The following EPS8 variants were observed in gnomAD, a reference collection of about 807,000 sequenced individuals.
The protein encoded by EPS8 is EGFR pathway substrate 8, signaling adaptor.
In EPS8, 42 loss-of-function variants were observed where a neutral mutation model predicts 103.8. That is an observed-to-expected ratio of 0.40 (90% CI 0.32 to 0.52). EPS8 has a LOEUF of 0.52. Ranked by LOEUF, EPS8 falls within the 20% of genes least tolerant of loss-of-function variation. The pLI is 0.40. For missense variants in EPS8, 969 were observed against 1,005.1 expected (o/e 0.96, Z 0.49); for synonymous variants, 344 against 344.6 (o/e 1.00, Z 0.02).
At chr12:15,692,179 C>CA (rs1946181868) in intron 1 of EPS8, among the ~76,000 whole-genome samples, 1 of 152,106 alleles carries the variant, frequency 6.6e-6, no homozygotes. Context: ...TGGTAGGGCA[C>CA]ATACTTCAGG....
At chr12:15,705,177 T>G (rs1365916144) in intron 1 of EPS8, among the ~76,000 whole-genome samples, 1 of 152,212 alleles carries the variant, frequency 6.6e-6, no homozygotes, top group Non-Finnish European at 1.5e-5. Context: ...TTTTGCAAAT[T>G]CCATTTCTCA....
chr12:15,714,473 C>T lies in EPS8; in HGVS notation c.-21-31501G>A, dbSNP rs541001040. ...CCTGGGCAACATACCAAGACCCCAT[C>T]TCCACAAAAAATTCAGCAATCAGCC... is the stretch of plus-strand genomic sequence containing the variant. On this transcript the variant is annotated intron_variant, in intron 1 of 20. Coordinates refer to ENST00000281172, the MANE Select transcript of EPS8 (RefSeq NM_004447.6). This position sits in a 1 kb window ranked among gnomAD's most constrained non-coding sequence, Gnocchi z 4.1. Among the ~76,000 whole-genome samples the T allele has an allele frequency of 6.1e-4, 93 of 152,206 alleles. No individual in the cohort carries two copies. The highest frequency in any genetic ancestry group is 1.2e-3 in the Non-Finnish European group (82 of 68,000).
chr12:15,626,376 A>T (rs1454082411), intron 18 of EPS8, among the ~76,000 whole-genome samples: 1 of 152,128 alleles, frequency 6.6e-6, no homozygotes. Flanking sequence ...CATGCCTGTA[A>T]TCCAAGCACT....
In EPS8 at chr12:15,690,130, T is replaced by C. The variant is rs972448545; in HGVS notation, c.-21-7158A>G. Among the ~76,000 whole-genome samples the C allele has an allele frequency of 6.6e-6, 1 of 152,146 alleles. No individual in the cohort carries two copies. Among genetic ancestry groups the C allele is most frequent in the African/African-American group, 2.4e-5 (1 of 41,442 alleles). On this transcript the variant is annotated intron_variant, in intron 1 of 20. Coordinates refer to ENST00000281172, the MANE Select transcript of EPS8 (RefSeq NM_004447.6). The surrounding 1 kb of genome is among the most constrained non-coding windows in gnomAD (Gnocchi z 4.7). ...AAAGGACATTAAGCAGCAAACAAAA[T>C]ACTGCAGGTGACTCACTGCATTTCC...
intron 17 of EPS8, among the ~76,000 whole-genome samples, chr12:15,637,662 C>T (rs1223122135): frequency 6.6e-6 from 1 of 152,178 alleles, no homozygotes; most frequent in Non-Finnish European, 1.5e-5. Flanking sequence ...TTCCTTTTGG[C>T]AGCATGGTGC....
In EPS8 at chr12:15,690,223, T is replaced by C. The variant is rs1946153252; in HGVS notation, c.-21-7251A>G. Among the ~76,000 whole-genome samples, 1 of 152,166 alleles carries C rather than the reference T, an allele frequency of 6.6e-6. No individual in the cohort carries two copies. Among genetic ancestry groups the C allele is most frequent in the African/African-American group, 2.4e-5 (1 of 41,442 alleles). On this transcript the variant is annotated intron_variant, in intron 1 of 20. Coordinates refer to ENST00000281172, the MANE Select transcript of EPS8 (RefSeq NM_004447.6). This position sits in a 1 kb window ranked among gnomAD's most constrained non-coding sequence, Gnocchi z 4.7. ...TATATCTTTATAAATGCTTACAACA[T>C]ACGAAGTGGAAAATGGTATCTTTAG...
rs1415246157 is a variant in EPS8, at chr12:15,750,578, T to C, written c.-22+38583A>G. 2.0e-5 allele frequency among the ~76,000 whole-genome samples: 3 copies of C among 152,188 alleles called. No individual in the cohort carries two copies. The East Asian group carries it at 5.8e-4, about 29-fold the overall frequency. ...AAGAGATGAATCTGACACCTGGAAA[T>C]ATTCACTCTGGTTCCCAGATTCAAG... On this transcript the variant is annotated intron_variant, in intron 1 of 20. Coordinates refer to ENST00000281172, the MANE Select transcript of EPS8 (RefSeq NM_004447.6).
chr12:15,749,991 T>C lies in EPS8; in HGVS notation c.-22+39170A>G, dbSNP rs1946914402. On this transcript the variant is annotated intron_variant, in intron 1 of 20. Coordinates refer to ENST00000281172, the MANE Select transcript of EPS8 (RefSeq NM_004447.6). The surrounding 1 kb of genome is among the most constrained non-coding windows in gnomAD (Gnocchi z 4.0). Reference sequence around the variant, plus strand: ...CCTTTTGTCTAAGATTTCAGATAACTTTCCTCTGTTTCTCCCTGCTGAGGA... The same window carrying C: ...CCTTTTGTCTAAGATTTCAGATAACCTTCCTCTGTTTCTCCCTGCTGAGGA... Among the ~76,000 whole-genome samples, 1 of 152,188 alleles carries C rather than the reference T, an allele frequency of 6.6e-6. No homozygotes were observed. The highest frequency in any genetic ancestry group is 2.1e-4 in the South Asian group (1 of 4,822).
chr12:15,766,429 G>T (rs112349106), intron 1 of EPS8, among the ~76,000 whole-genome samples: 1,885 of 151,554 alleles, frequency 0.012, 38 homozygotes, highest in African/African-American at 0.044. Flanking sequence ...GGAGGCGAAG[G>T]TTGCAGTGAG....
At chr12:15,687,354 T>C (rs376148703) in intron 1 of EPS8, among the ~76,000 whole-genome samples, 1 of 152,294 alleles carries the variant, frequency 6.6e-6, no homozygotes, top group African/African-American at 2.4e-5. Flanking sequence ...GGTTAATGCC[T>C]GTGAAGGTAT....
rs773786834 is a variant in EPS8 at position 15,621,447 on chromosome 12, T to A, written c.2356-17A>T. 19 of 1,423,844 alleles carry A rather than the reference T, an allele frequency of 1.3e-5. No individual in the cohort carries two copies. The highest frequency in any genetic ancestry group is 1.7e-5 in the Non-Finnish European group (17 of 1,018,980). 88.2% of individuals were successfully genotyped at this position (1,423,844 alleles called of 1,614,324 possible). A position where few individuals can be genotyped will look rare whatever the true frequency, so the allele number is the denominator to read the frequency against. On this transcript the variant is annotated splice_polypyrimidine_tract_variant and intron_variant, in intron 20 of 20. Coordinates refer to ENST00000281172, the MANE Select transcript of EPS8 (RefSeq NM_004447.6). ...ACTGCTATCCTGAAAGATAAACAGT[T>A]CAGACAAGATAGTTACTGACTTGTG...
chr12:15,677,667 T>C (rs1945932772), intron 3 of EPS8, among the ~76,000 whole-genome samples: 1 of 152,174 alleles, frequency 6.6e-6, no homozygotes, highest in Non-Finnish European at 1.5e-5. Context: ...ATATCATAAA[T>C]CTCTTCTTTA....
intron 18 of EPS8, among the ~76,000 whole-genome samples, chr12:15,624,631 C>T (rs920748250): frequency 1.2e-4 from 18 of 152,198 alleles, no homozygotes; most frequent in African/African-American, 4.1e-4. Flanking sequence ...TTTGGCAAAA[C>T]CCCAATCCTG....
rs75942673 is a variant in EPS8 at position 15,633,596 on chromosome 12, C to T, written c.1822-1932G>A. ...TGTTCTGTGCTTTATTTCATTCATG[C>T]CATTGTTACATAATGCAACTTTATC... On this transcript the variant is annotated intron_variant, in intron 17 of 20. Coordinates refer to ENST00000281172, the MANE Select transcript of EPS8 (RefSeq NM_004447.6). Among the ~76,000 whole-genome samples, 1,408 of 152,212 alleles carry T rather than the reference C, an allele frequency of 9.3e-3. 21 individuals are homozygous for T. Among genetic ancestry groups the T allele is most frequent in the African/African-American group, 0.032 (1,326 of 41,528 alleles).
intron 1 of EPS8, among the ~76,000 whole-genome samples, chr12:15,774,228 T>C (rs925734402): frequency 6.6e-6 from 1 of 152,016 alleles, no homozygotes; most frequent in African/African-American, 2.4e-5. Context: ...AACTAATGAA[T>C]TTTTTCTTTT....
intron 1 of EPS8, among the ~76,000 whole-genome samples, chr12:15,756,533 T>A (rs1171839994): frequency 6.6e-6 from 1 of 152,176 alleles, no homozygotes; most frequent in Non-Finnish European, 1.5e-5. Context: ...CTTTTTTTCA[T>A]AAGCATGCAA....
At position 15,772,343 on chromosome 12, in the gene EPS8, A is replaced by T. The variant is rs1947163565; in HGVS notation, c.-22+16818T>A. On this transcript the variant is annotated intron_variant, in intron 1 of 20. Coordinates refer to ENST00000281172, the MANE Select transcript of EPS8 (RefSeq NM_004447.6). This position sits in a 1 kb window ranked among gnomAD's most constrained non-coding sequence, Gnocchi z 5.0. ...TGTGTGATATTCAGCTTCAGTCATA[A>T]ATAGAGTTAGAGTTCCCAAGAAAGG... Among the ~76,000 whole-genome samples, 1 of 152,120 alleles carries T rather than the reference A, an allele frequency of 6.6e-6. No homozygotes were observed. The highest frequency in any genetic ancestry group is 2.4e-5 in the African/African-American group (1 of 41,418).
rs546891758 is a variant in EPS8, at chr12:15,758,584, TG to T, written c.-22+30576del. On this transcript the variant is annotated intron_variant, in intron 1 of 20. Transcript: ENST00000281172. ...TAGTGGCTACCATACTGTACAGCAC[TG>T]GTACAGATTAAAGAAGGCCTGTCAG... 1.8e-4 allele frequency among the ~76,000 whole-genome samples: 27 copies of T among 152,290 alleles called. No individual in the cohort carries two copies. The East Asian group carries it at 4.6e-3, about 26-fold the overall frequency.
chr12:15,735,073 A>G lies in EPS8; in HGVS notation c.-21-52101T>C, dbSNP rs1201265242. 2.6e-5 allele frequency among the ~76,000 whole-genome samples: 4 copies of G among 152,218 alleles called. No homozygotes were observed. The highest frequency in any genetic ancestry group is 4.4e-5 in the Non-Finnish European group (3 of 68,042). On this transcript the variant is annotated intron_variant, in intron 1 of 20. Transcript: ENST00000281172. The surrounding 1 kb of genome is among the most constrained non-coding windows in gnomAD (Gnocchi z 4.4). ...ACTTCACACTAACAGCATTTCATGG[A>G]TAACTGTAGTATTCCCAGGTACATG...
Sources: gnomAD v4.1 joint callset for allele counts (sites outside exome capture counted in the v4.1 genomes callset) on GRCh38, gnomAD v4.1.1 for gene constraint, Gnocchi (gnomAD v3.1) non-coding constraint, MANE v1.5 for transcripts, NCBI Gene and HGNC (gene_info 2026-07-23, HGNC 2026-07-21) for gene names.